DRICH1: variants seen among roughly 807,000 people sequenced by gnomAD.
DRICH1 encodes the protein aspartate-rich protein 1.
Under a neutral mutation model 39.5 loss-of-function variants are expected in DRICH1, and 38 were observed. The ratio of observed to expected loss-of-function variants is 0.96; its 90% confidence interval spans 0.74 to 1.26. DRICH1 has a LOEUF of 1.26. DRICH1 is among the 50% of genes most tolerant of loss of function. The pLI is 0.00. For synonymous variants in DRICH1, 84 were observed against 99.5 expected (o/e 0.84, Z 0.93); for missense variants, 279 against 270.4 (o/e 1.03, Z -0.22).
At chr22:23,616,759 C>A in intron 8 of DRICH1, 94 bp downstream of exon 8, 1 of 1,505,952 alleles carries the variant, frequency 6.6e-7, no homozygotes, top group East Asian at 2.3e-5. Flanking sequence ...CACCACACCC[C>A]CAATATTTTT....
At chr22:23,623,081 C>T (rs769490158) in intron 3 of DRICH1, among the ~76,000 whole-genome samples, 18 of 151,994 alleles carry the variant, frequency 1.2e-4, no homozygotes, top group Non-Finnish European at 1.9e-4. Flanking sequence ...TTGTTTGATG[C>T]CTATTGTACC....
the DRICH1 span, among the ~76,000 whole-genome samples, chr22:23,586,836 C>T: frequency 6.6e-6 from 1 of 152,156 alleles, no homozygotes; most frequent in East Asian, 1.9e-4. Flanking sequence ...TGAGCCACTG[C>T]GTCCAGCCGA....
chr22:23,616,132 C>G (rs903832876), intron 8 of DRICH1, among the ~76,000 whole-genome samples: 1 of 152,162 alleles, frequency 6.6e-6, no homozygotes, highest in African/African-American at 2.4e-5. Context: ...GCCATGAAAC[C>G]TAACAGTTCA....
At chr22:23,626,103 C>G in intron 1 of DRICH1, 55 bp from the exon 2 acceptor site, 2 of 1,275,616 alleles carry the variant, frequency 1.6e-6, no homozygotes, top group Non-Finnish European at 2.3e-6. Context: ...CTGGGAGTCC[C>G]TCAGGGAGCT....
rs537547289 is a variant in DRICH1, at chr22:23,618,373, C to A, written c.437-716G>T. On this transcript the variant is annotated intron_variant, in intron 6 of 11. Transcript: ENST00000317749. ...TCATGATCCACCCACCTCGGCCTCC[C>A]AAAGTGCTGGGATTACAGGGGTGAG... Among the ~76,000 whole-genome samples the A allele has an allele frequency of 5.2e-4, 79 of 152,122 alleles. 1 individual carries two copies. In the South Asian group the frequency reaches 9.1e-3, roughly 18 times the overall value.
chr22:23,601,856 GA>G, the DRICH1 span, among the ~76,000 whole-genome samples: 4 of 152,392 alleles, frequency 2.6e-5, no homozygotes, highest in East Asian at 5.8e-4. Context: ...TATAGGGTCA[GA>G]AAGAGACCAG....
the DRICH1 span, among the ~76,000 whole-genome samples, chr22:23,597,044 A>G: frequency 6.7e-6 from 1 of 150,226 alleles, no homozygotes; most frequent in Non-Finnish European, 1.5e-5. Flanking sequence ...CACATGTACT[A>G]ATTGTTACAT....
At chr22:23,588,301 G>C in the DRICH1 span, among the ~76,000 whole-genome samples, 1 of 152,070 alleles carries the variant, frequency 6.6e-6, no homozygotes, top group Non-Finnish European at 1.5e-5. Context: ...TAATTTTTTT[G>C]TATTTTTAGT....
the DRICH1 span, among the ~76,000 whole-genome samples, chr22:23,593,980 A>AAAAAAAAAAAAAAAAAAAAAAAAAAAAG: frequency 7.3e-6 from 1 of 137,160 alleles, no homozygotes. Context: ...TCTGTCTCAA[A>AAAAAAAAAAAAAAAAAAAAAAAAAAAAG]AAAAAAAAAA....
intron 11 of DRICH1, among the ~76,000 whole-genome samples, chr22:23,609,943 T>G (rs554052080): frequency 6.6e-5 from 10 of 152,134 alleles, no homozygotes; most frequent in Non-Finnish European, 1.3e-4. Context: ...CTGGGCATCC[T>G]CCTATGTGGG....
chr22:23,595,225 A>G, the DRICH1 span, among the ~76,000 whole-genome samples: 4 of 145,980 alleles, frequency 2.7e-5, no homozygotes, highest in African/African-American at 1.0e-4. Context: ...GCTTCCCTAG[A>G]GGCCGGAATC....
rs1927205146 is a variant in DRICH1 at position 23,614,127 on chromosome 22, G to A, written c.621+8C>T. The A allele has an allele frequency of 1.3e-6, 2 of 1,591,058 alleles. No individual in the cohort carries two copies. The highest frequency in any genetic ancestry group is 1.3e-5 in the African/African-American group (1 of 74,408). On this transcript the variant is annotated splice_region_variant and intron_variant, in intron 9 of 11. Transcript: ENST00000317749. ...TTGCTGTAGAAGACAAAAAAAGGGA[G>A]GTCTTACGTGGATGTCATCATCATC...
intron 5 of DRICH1, 94 bp downstream of exon 5, chr22:23,620,500 C>T: frequency 2.2e-6 from 3 of 1,385,802 alleles, no homozygotes; most frequent in Admixed American, 1.7e-5. Context: ...TCACCACACC[C>T]CCAATATTTT....
At chr22:23,615,091 TG>T (rs1927275938) in intron 8 of DRICH1, among the ~76,000 whole-genome samples, 1 of 152,228 alleles carries the variant, frequency 6.6e-6, no homozygotes, top group Non-Finnish European at 1.5e-5. Flanking sequence ...ATTATTTTTT[TG>T]GTTGAGCACT....
chr22:23,614,049 C>T (rs771741369), intron 9 of DRICH1, 86 bp downstream of exon 9: 37 of 939,952 alleles, frequency 3.9e-5, no homozygotes, highest in Middle Eastern at 2.1e-4. Flanking sequence ...ATGTGCATTG[C>T]CAGATTTTCA....
intron 8 of DRICH1, 72 bp from the exon 9 acceptor site, chr22:23,614,286 G>C (rs1927222060): frequency 2.8e-6 from 3 of 1,071,640 alleles, no homozygotes; most frequent in Non-Finnish European, 4.4e-6. Context: ...AGCTTTGCTG[G>C]ATGTGGTGTA....
the DRICH1 span, among the ~76,000 whole-genome samples, chr22:23,593,039 GA>G: frequency 1.2e-4 from 17 of 139,846 alleles, no homozygotes; most frequent in East Asian, 4.3e-4. Flanking sequence ...TCAAAAAAAA[GA>G]AAAAAAAAAC....
At chr22:23,610,280 T>C (rs1926963961) in intron 11 of DRICH1, 1 of 152,240 alleles carries the variant, frequency 6.6e-6, no homozygotes, top group Non-Finnish European at 1.5e-5. Flanking sequence ...TGTTCAGTAA[T>C]GTGCTATTGT....
chr22:23,601,583 C>T, the DRICH1 span, among the ~76,000 whole-genome samples: 387 of 151,874 alleles, frequency 2.5e-3, no homozygotes, highest in Middle Eastern at 0.014. Context: ...AGTGAGTGTT[C>T]CTGTGAAAGG....
Sources: allele counts gnomAD v4.1 joint callset (sites outside exome capture counted in the v4.1 genomes callset), GRCh38; gene constraint gnomAD v4.1.1; transcripts MANE v1.5; gene names NCBI Gene and HGNC (gene_info 2026-07-23, HGNC 2026-07-21).